Variants in DGAT1 observed in about 807,000 individuals in gnomAD.
DGAT1 encodes the protein ACAT related gene product 1.
Under a neutral mutation model 72.6 loss-of-function variants are expected in DGAT1, and 60 were observed. The observed-to-expected ratio is 0.83, with a 90% CI of 0.67 to 1.02. The LOEUF (loss-of-function observed/expected upper bound fraction) is 1.02. DGAT1 is among the 50% of genes least tolerant of loss of function. DGAT1 has a pLI of 0.00. For synonymous variants in DGAT1, 290 were observed against 267.5 expected, an observed-to-expected ratio of 1.08 and a Z score of -0.82; for missense variants, 592 against 670.0, an observed-to-expected ratio of 0.88 and a Z score of 1.29.
chr8:144,321,299 C>A (rs782512931), intron 2 of DGAT1, 22 bp downstream of exon 2: 2 of 1,612,106 alleles, frequency 1.2e-6, no homozygotes, highest in Admixed American at 1.7e-5. Flanking sequence ...TAGACCCGCT[C>A]CCGACACCAT....
intron 1 of DGAT1, among the ~76,000 whole-genome samples, chr8:144,322,005 G>A (rs980580749): frequency 6.6e-6 from 1 of 152,222 alleles, no homozygotes; most frequent in Non-Finnish European, 1.5e-5. Flanking sequence ...TGCCGGTGTA[G>A]CCTCCACTTG....
At position 144,318,367 on chromosome 8, in the gene DGAT1, A is replaced by C; in HGVS notation, c.575-5T>G. On this transcript the variant is annotated splice_region_variant and splice_polypyrimidine_tract_variant and intron_variant, in intron 6 of 16. Transcript: ENST00000528718. Reference sequence around the variant, plus strand: ...TCAGCGCCAGCAGGGAGCCCACTGCAGGAGAGGTGGACTCAGGCCTCCACA... The same window carrying C: ...TCAGCGCCAGCAGGGAGCCCACTGCCGGAGAGGTGGACTCAGGCCTCCACA... 1 of 1,606,052 alleles carries C rather than the reference A, an allele frequency of 6.2e-7. No homozygotes were observed. The highest frequency in any genetic ancestry group is 8.5e-7 in the Non-Finnish European group (1 of 1,175,784).
chr8:144,325,648 T>G (rs1817577883), intron 1 of DGAT1, among the ~76,000 whole-genome samples: 1 of 152,124 alleles, frequency 6.6e-6, no homozygotes, highest in Non-Finnish European at 1.5e-5. Context: ...GCTGGCCAAG[T>G]CCTTCCCATC....
intron 1 of DGAT1, 145 bp downstream of exon 1, chr8:144,326,292 C>G: frequency 1.3e-6 from 1 of 777,568 alleles, no homozygotes; most frequent in Non-Finnish European, 1.8e-6. Flanking sequence ...CCCCAAGCCT[C>G]AGTTTCCCCA....
chr8:144,317,084 G>A lies in DGAT1; in HGVS notation c.1186C>T (p.Arg396Trp), dbSNP rs375843442. The change falls in exon 15 of 17, where the codon CGG becomes TGG. Residue 396 changes from arginine (R) to tryptophan (W), a missense_variant. Physicochemically the swap from Arg to Trp is moderately radical, Grantham distance 101. Coordinates refer to ENST00000528718, the MANE Select transcript of DGAT1 (RefSeq NM_012079.6). ...CTGGCCATCCACTTGCTGCTGCCCC[G>A]TCGAAGCATGGGCTTGTAGAAGTGT... ...IRHFYKPMLR[R>W]GSSKWMARTG... The A allele has an allele frequency of 3.2e-5, 51 of 1,612,836 alleles. 1 individual carries two copies. In the Middle Eastern group the frequency reaches 4.9e-4, roughly 16 times the overall value.
rs782459119 is a variant in DGAT1 at position 144,318,709 on chromosome 8, C to T, written c.458G>A (p.Arg153His). 6 of 1,608,546 alleles carry T rather than the reference C, an allele frequency of 3.7e-6. No individual in the cohort carries two copies. The highest frequency in any genetic ancestry group is 2.2e-5 in the East Asian group (1 of 44,690). Residue 153 changes from arginine to histidine, a missense_variant, in exon 5 of 17, where the codon CGC becomes CAC. Coordinates refer to ENST00000528718, the MANE Select transcript of DGAT1 (RefSeq NM_012079.6). ...FAVAAFQVEK[R>H]LAVGALTEQA... ...AGGGGCACTGCTTACCACCGCCAGG[C>T]GCTTCTCAACCTGGAATGCAGCCAC...
At position 144,316,436 on chromosome 8, in the gene DGAT1, G is replaced by A; in HGVS notation, c.*118C>T. On this transcript the variant is annotated 3_prime_UTR_variant, in exon 17 of 17. Coordinates refer to ENST00000528718, the MANE Select transcript of DGAT1 (RefSeq NM_012079.6). ...CATAGGGGCAGAGAGGCCTCCCTGGGACCAGAGGAGGATGCTGTGCAGCCA... is the reference window on the plus strand; with the variant it reads ...CATAGGGGCAGAGAGGCCTCCCTGGAACCAGAGGAGGATGCTGTGCAGCCA... 1.5e-6 allele frequency: 2 copies of A among 1,313,210 alleles called. No homozygotes were observed. Among genetic ancestry groups the A allele is most frequent in the South Asian group, 1.5e-5 (1 of 67,900 alleles). 81.3% of individuals were successfully genotyped at this position (1,313,210 alleles called of 1,614,324 possible).
intron 1 of DGAT1, among the ~76,000 whole-genome samples, chr8:144,324,011 G>A (rs1817530218): frequency 6.6e-6 from 1 of 152,238 alleles, no homozygotes; most frequent in Non-Finnish European, 1.5e-5. Flanking sequence ...GGACACCTCA[G>A]GGACAAAACA....
chr8:144,326,091 T>A (rs1462115945), intron 1 of DGAT1, among the ~76,000 whole-genome samples: 1 of 152,090 alleles, frequency 6.6e-6, no homozygotes, highest in African/African-American at 2.4e-5. Flanking sequence ...AGATCTTATC[T>A]GACTCCTTCC....
chr8:144,318,917 A>G lies in DGAT1; in HGVS notation c.333T>C (p.Tyr111=). 1 of 1,588,214 alleles carries G rather than the reference A, an allele frequency of 6.3e-7. No individual in the cohort carries two copies. The highest frequency in any genetic ancestry group is 8.6e-7 in the Non-Finnish European group (1 of 1,165,312). ...CCTGGATGGGGTCCACCAGGATGCCATACCTGGGGGTGGAGGGATGGGGGT... is the reference window on the plus strand; with the variant it reads ...CCTGGATGGGGTCCACCAGGATGCCGTACCTGGGGGTGGAGGGATGGGGGT... ...ARLFLENLIK[Y]GILVDPIQVV... is the part of the protein sequence containing the mutation. Residue 111 remains tyrosine (Y), a synonymous_variant, in exon 4 of 17, where the codon TAT becomes TAC. Coordinates refer to ENST00000528718, the MANE Select transcript of DGAT1 (RefSeq NM_012079.6).
rs782744860 is a variant in DGAT1, at chr8:144,316,902, A to T, written c.1262T>A (p.Val421Asp). The T allele has an allele frequency of 1.9e-5, 30 of 1,612,242 alleles. No individual in the cohort carries two copies. Among genetic ancestry groups the T allele is most frequent in the Non-Finnish European group, 2.5e-5 (30 of 1,179,704 alleles). Reference sequence around the variant, plus strand: ...CCAGAGGCGGAACATTCGCAGAGGGACGCTCACCAGGTACTGAGATGGGAG... The same window carrying T: ...CCAGAGGCGGAACATTCGCAGAGGGTCGCTCACCAGGTACTGAGATGGGAG... The part of the protein sequence containing the change: ...SAFFHEYLVS[V>D]PLRMFRLWAF... Residue 421 changes from valine (V) to aspartate (D), a missense_variant, in exon 16 of 17, where the codon GTC (valine) becomes GAC (aspartate). Transcript: ENST00000528718.
rs367844653 is a variant in DGAT1 at position 144,318,115 on chromosome 8, G to T, written c.731C>A (p.Pro244Gln). 6.5e-7 allele frequency: 1 copy of T among 1,541,280 alleles called. No individual in the cohort carries two copies. Among genetic ancestry groups the T allele is most frequent in the Non-Finnish European group, 8.7e-7 (1 of 1,144,010 alleles). ...SAAAPHTVSY[P>Q]DNLTYRDLYY... The stretch of plus-strand genomic sequence containing the variant: ...CTCACCGCGGTAGGTCAGATTGTCC[G>T]GGTAGCTCACGGTGTGCGGGGCAGC... The change falls in exon 8 of 17, where the codon CCG becomes CAG. Residue 244 changes from proline to glutamine, a missense_variant. Transcript: ENST00000528718.
chr8:144,316,812 G>A (rs1554847104), intron 16 of DGAT1, 41 bp downstream of exon 16: 1 of 1,600,338 alleles, frequency 6.2e-7, no homozygotes. Context: ...TCAGGTGCGG[G>A]GTAACTGGGC....
Position 144,316,620 on chromosome 8 carries a change from T to C in DGAT1, c.1401A>G (p.Ile467Met). 1 of 1,608,558 alleles carries C rather than the reference T, an allele frequency of 6.2e-7. No homozygotes were observed. The highest frequency in any genetic ancestry group is 1.7e-4 in the Middle Eastern group (1 of 5,992). Reference sequence around the variant, plus strand: ...AGTCGTGGACGTACATGAGGACGGCTATTGGCTGTCCGATGATGAGCGACA... The same window carrying C: ...AGTCGTGGACGTACATGAGGACGGCCATTGGCTGTCCGATGATGAGCGACA... The part of the protein sequence containing the change: ...VWLSLIIGQP[I>M]AVLMYVHDYY... Residue 467 changes from isoleucine (I) to methionine (M), a missense_variant, in exon 17 of 17, where the codon ATA becomes ATG. Ile to Met is a conservative substitution (Grantham distance 10). Transcript: ENST00000528718.
In DGAT1 at chr8:144,325,575, G is replaced by T. The variant is rs370294987; in HGVS notation, c.200+862C>A. On this transcript the variant is annotated intron_variant, in intron 1 of 16. Coordinates refer to ENST00000528718, the MANE Select transcript of DGAT1 (RefSeq NM_012079.6). Reference sequence around the variant, plus strand: ...CTGGGCCAGGGTAAAGGCCATAAAGGGGGGATGGAGGGTGGCAAGGGGATT... The same window carrying T: ...CTGGGCCAGGGTAAAGGCCATAAAGTGGGGATGGAGGGTGGCAAGGGGATT... Among the ~76,000 whole-genome samples, 4 of 152,348 alleles carry T rather than the reference G, an allele frequency of 2.6e-5. No individual in the cohort carries two copies. The South Asian group carries it at 6.2e-4, about 24-fold the overall frequency.
chr8:144,326,265 C>T (rs1350134270), intron 1 of DGAT1, among the ~76,000 whole-genome samples, 172 bp downstream of exon 1: 1 of 152,152 alleles, frequency 6.6e-6, no homozygotes, highest in African/African-American at 2.4e-5. Context: ...TACCCAGTGA[C>T]CTTGTCAGGT....
rs1488894094 is a variant in DGAT1 at position 144,317,630 on chromosome 8, T to C, written c.936+41A>G. 6.8e-6 allele frequency: 11 copies of C among 1,613,722 alleles called. No individual in the cohort carries two copies. In the African/African-American group the frequency reaches 1.5e-4, roughly 22 times the overall value. ...TTCAGCTAGCCATGCTCCTGGTCAC[T>C]CCCCAGCCACCCCAGCTGCAAGAGC... On this transcript the variant is annotated intron_variant, in intron 11 of 16. Transcript: ENST00000528718.
At position 144,317,271 on chromosome 8, in the gene DGAT1, CA is replaced by C. The variant is rs1817270433; in HGVS notation, c.1095-20del. On this transcript the variant is annotated intron_variant, in intron 13 of 16. Coordinates refer to ENST00000528718, the MANE Select transcript of DGAT1 (RefSeq NM_012079.6). The stretch of plus-strand genomic sequence containing the variant: ...GGAGTTCCTGGGGGCCAAGAGACCA[CA>C]GGGGGATCAGAGCACACCATGGCCC... The C allele has an allele frequency of 1.2e-6, 2 of 1,611,570 alleles. No individual in the cohort carries two copies. The highest frequency in any genetic ancestry group is 2.2e-5 in the East Asian group (1 of 44,832).
At chr8:144,316,820 G>C in intron 16 of DGAT1, 33 bp downstream of exon 16, 1 of 1,602,254 alleles carries the variant, frequency 6.2e-7, no homozygotes, top group African/African-American at 1.3e-5. Context: ...GGGGTAACTG[G>C]GCGAGTGAGG....
Sources: allele counts gnomAD v4.1 joint callset (sites outside exome capture counted in the v4.1 genomes callset), GRCh38; gene constraint gnomAD v4.1.1; transcripts MANE v1.5; gene names NCBI Gene and HGNC (gene_info 2026-07-23, HGNC 2026-07-21).